Variants in CNBD1 observed in about 807,000 individuals in gnomAD.
CNBD1 encodes the protein cyclic nucleotide binding domain containing 1.
Under a neutral mutation model 54.4 loss-of-function variants are expected in CNBD1, and 71 were observed. That is an observed-to-expected ratio of 1.30 (90% CI 1.08 to 1.59). The LOEUF is 1.59. Ranked by LOEUF, CNBD1 falls within the 40% of genes most tolerant of loss-of-function variation. The pLI is 0.00. For missense variants in CNBD1, 659 were observed against 518.0 expected (o/e 1.27, Z -2.64); for synonymous variants, 182 against 170.7 (o/e 1.07, Z -0.51).
chr8:87,308,315 C>CA (rs1373486994), intron 8 of CNBD1, among the ~76,000 whole-genome samples: 15 of 151,784 alleles, frequency 9.9e-5, no homozygotes, highest in Admixed American at 3.3e-4. Flanking sequence ...GCAATTTTTA[C>CA]CAAAAAAATC....
In CNBD1 at chr8:87,223,521, T is replaced by C. The variant is rs551095533; in HGVS notation, c.578-13398T>C. On this transcript the variant is annotated intron_variant, in intron 5 of 10. Coordinates refer to ENST00000518476, the MANE Select transcript of CNBD1 (RefSeq NM_173538.3). ...GTTTTTTGTTCTTGCGATAGTTTACTGAGAATGATGGTTTCCAATGTCATC... is the reference window on the plus strand; with the variant it reads ...GTTTTTTGTTCTTGCGATAGTTTACCGAGAATGATGGTTTCCAATGTCATC... 5.9e-5 allele frequency among the ~76,000 whole-genome samples: 9 copies of C among 152,228 alleles called. No homozygotes were observed. The South Asian group carries it at 1.9e-3, about 32-fold the overall frequency.
chr8:87,237,112 G>C lies in CNBD1; in HGVS notation c.771G>C (p.Met257Ile). The part of the protein sequence containing the change: ...AEMYLPSYDS[M>I]LSKWSTFGTL... ...TGTACCTACCTTCATATGACTCAAT[G>C]GTAAGAGATGAGTATTTGCTTTTTC... Residue 257 changes from methionine (M) to isoleucine (I), a missense_variant and splice_region_variant, in exon 6 of 11, where the codon ATG (methionine) becomes ATC (isoleucine). Coordinates refer to ENST00000518476, the MANE Select transcript of CNBD1 (RefSeq NM_173538.3). The C allele has an allele frequency of 6.3e-7, 1 of 1,579,692 alleles. No individual in the cohort carries two copies. The highest frequency in any genetic ancestry group is 8.6e-7 in the Non-Finnish European group (1 of 1,158,290).
intron 1 of CNBD1, among the ~76,000 whole-genome samples, chr8:86,869,734 A>G (rs1586099875): frequency 6.6e-6 from 1 of 152,130 alleles, no homozygotes; most frequent in East Asian, 1.9e-4. Context: ...TAGCTAACAA[A>G]CTGTACAGTT....
At chr8:87,030,991 T>G (rs1213185566) in intron 4 of CNBD1, among the ~76,000 whole-genome samples, 2 of 140,488 alleles carry the variant, frequency 1.4e-5, no homozygotes, top group East Asian at 4.5e-4. Context: ...TCTTTCTCCT[T>G]TTTTTGTAAT....
chr8:87,148,550 G>A (rs988595988), intron 4 of CNBD1, among the ~76,000 whole-genome samples: 3 of 152,132 alleles, frequency 2.0e-5, no homozygotes, highest in Non-Finnish European at 4.4e-5. Context: ...CTGTTCTGTG[G>A]CAGAGAAGGG....
At chr8:87,339,986 A>G (rs1459965185) in intron 8 of CNBD1, among the ~76,000 whole-genome samples, 1 of 152,146 alleles carries the variant, frequency 6.6e-6, no homozygotes, top group East Asian at 1.9e-4. Context: ...TGTGATTTTT[A>G]TAATTTCATA....
At chr8:87,256,846 A>T (rs1285152439) in intron 6 of CNBD1, among the ~76,000 whole-genome samples, 3 of 151,604 alleles carry the variant, frequency 2.0e-5, no homozygotes, top group Admixed American at 2.0e-4. Flanking sequence ...TATGAATCCA[A>T]GGTTCAAGGT....
intron 4 of CNBD1, among the ~76,000 whole-genome samples, chr8:87,203,939 A>C (rs2130795746): frequency 6.6e-6 from 1 of 152,310 alleles, no homozygotes; most frequent in Admixed American, 6.5e-5. Flanking sequence ...GTATTGTAAA[A>C]TCCTCCACCC....
intron 3 of CNBD1, among the ~76,000 whole-genome samples, chr8:86,907,470 C>A (rs1809034360): frequency 6.6e-6 from 1 of 151,886 alleles, no homozygotes; most frequent in Non-Finnish European, 1.5e-5. Context: ...GAGTTTGAGA[C>A]CATCCTGGCC....
chr8:87,403,254 G>A (rs1188695977), intron 2 of CNBD1, among the ~76,000 whole-genome samples: 1 of 151,992 alleles, frequency 6.6e-6, no homozygotes, highest in Non-Finnish European at 1.5e-5. Flanking sequence ...AGGTTGGGCT[G>A]TACATCTTGT....
At chr8:87,169,805 A>G (rs917819964) in intron 4 of CNBD1, among the ~76,000 whole-genome samples, 1 of 152,052 alleles carries the variant, frequency 6.6e-6, no homozygotes, top group African/African-American at 2.4e-5. Context: ...TTTGGTTACT[A>G]TAATTCTGTA....
intron 8 of CNBD1, among the ~76,000 whole-genome samples, chr8:87,339,389 A>G (rs1238436816): frequency 6.6e-6 from 1 of 152,134 alleles, no homozygotes; most frequent in African/African-American, 2.4e-5. Context: ...GTCATTTCCC[A>G]TGGAAATTTC....
chr8:87,111,219 G>A (rs1233323614), intron 4 of CNBD1, among the ~76,000 whole-genome samples: 1 of 152,174 alleles, frequency 6.6e-6, no homozygotes, highest in East Asian at 1.9e-4. Flanking sequence ...ATCAGTGTGA[G>A]GGTTCTGACA....
chr8:87,264,483 G>T (rs1384065246), intron 6 of CNBD1, among the ~76,000 whole-genome samples: 3 of 152,152 alleles, frequency 2.0e-5, no homozygotes, highest in Non-Finnish European at 2.9e-5. Context: ...CTTTATAGTA[G>T]CATGATTTAT....
intron 4 of CNBD1, among the ~76,000 whole-genome samples, chr8:87,203,293 GTACA>G (rs923493898): frequency 1.3e-5 from 2 of 152,052 alleles, no homozygotes; most frequent in Admixed American, 6.6e-5. Flanking sequence ...TATATCTGAT[GTACA>G]TACATACTAT....
rs111875220 is a variant in CNBD1 at position 87,365,360 on chromosome 8, T to C, written c.1303+11574T>C. ...TTTAATGGTTTTTGTTTTTTGCTTG[T>C]ACATTTGTTTAAGTTACTTATAGAT... On this transcript the variant is annotated intron_variant, in intron 10 of 10. Coordinates refer to ENST00000518476, the MANE Select transcript of CNBD1 (RefSeq NM_173538.3). 5.5e-3 allele frequency among the ~76,000 whole-genome samples: 831 copies of C among 152,188 alleles called. 6 individuals carry two copies. Among genetic ancestry groups the C allele is most frequent in the African/African-American group, 0.019 (786 of 41,568 alleles).
At chr8:87,219,493 T>A (rs1814280454) in intron 5 of CNBD1, among the ~76,000 whole-genome samples, 1 of 151,876 alleles carries the variant, frequency 6.6e-6, no homozygotes, top group Non-Finnish European at 1.5e-5. Context: ...AATGAATACA[T>A]CCTAATGACA....
At chr8:87,325,626 C>A (rs1483437943) in intron 8 of CNBD1, among the ~76,000 whole-genome samples, 5 of 133,276 alleles carry the variant, frequency 3.8e-5, no homozygotes, top group African/African-American at 1.5e-4. Flanking sequence ...GGATTGCAAC[C>A]CCTGCCTTTT....
At chr8:87,387,652 T>C (rs1811218626), downstream of CNBD1, among the ~76,000 whole-genome samples, 1 of 152,046 alleles carries the variant, frequency 6.6e-6, no homozygotes, top group African/African-American at 2.4e-5. Context: ...CACACAATCA[T>C]AATGGGAGAC....
Sources: allele counts gnomAD v4.1 joint callset (sites outside exome capture counted in the v4.1 genomes callset), GRCh38; gene constraint gnomAD v4.1.1; transcripts MANE v1.5; gene names NCBI Gene and HGNC (gene_info 2026-07-23, HGNC 2026-07-21).